Variants in TRIP12 observed in about 807,000 individuals in gnomAD.
The protein encoded by TRIP12 is E3 ubiquitin-protein ligase TRIP12.
Under a neutral mutation model 244.2 loss-of-function variants are expected in TRIP12, and 25 were observed. That is an observed-to-expected ratio of 0.10 (90% CI 0.07 to 0.14). The LOEUF (loss-of-function observed/expected upper bound fraction) is 0.14, where lower values mean the gene tolerates loss of function less well. TRIP12 is among the 10% of genes least tolerant of loss of function. The probability of loss-of-function intolerance (pLI) is 1.00; values close to 1 mark genes in which losing one functional copy is unlikely to be tolerated. For synonymous variants in TRIP12, 905 were observed against 873.1 expected (o/e 1.04, Z -0.64); for missense variants, 1,677 against 2,486.4 (o/e 0.67, Z 6.92).
At chr2:229,918,491 T>C (rs2075917404) in intron 1 of TRIP12, among the ~76,000 whole-genome samples, 1 of 152,214 alleles carries the variant, frequency 6.6e-6, no homozygotes, top group African/African-American at 2.4e-5. Context: ...CTAATTGTAA[T>C]CTCTTACATT....
In TRIP12 at chr2:229,837,001, T is replaced by G. The variant is rs779260787; in HGVS notation, c.1134-17A>C. 50 of 1,523,054 alleles carry G rather than the reference T, an allele frequency of 3.3e-5. No homozygotes were observed. Among genetic ancestry groups the G allele is most frequent in the Non-Finnish European group, 4.1e-5 (47 of 1,140,054 alleles). 94.3% of individuals were successfully genotyped at this position (1,523,054 alleles called of 1,614,324 possible). A position where few individuals can be genotyped will look rare whatever the true frequency, so the allele number is the denominator to read the frequency against. ...CCTCGCCGACTACAACAGAAAAATG[T>G]CATCATGGGCAGCATTACCAGTGAA... On this transcript the variant is annotated splice_polypyrimidine_tract_variant and intron_variant, in intron 5 of 41. Coordinates refer to ENST00000675903, the MANE Select transcript of TRIP12 (RefSeq NM_001348323.3).
chr2:229,852,705 T>C (rs1047027241), intron 4 of TRIP12, among the ~76,000 whole-genome samples: 13 of 152,188 alleles, frequency 8.5e-5, no homozygotes, highest in African/African-American at 3.1e-4. Flanking sequence ...CAAGCAGCAA[T>C]GCTTCAGGAA....
At chr2:229,797,412 G>C (rs1002194937) in intron 24 of TRIP12, among the ~76,000 whole-genome samples, 1 of 152,164 alleles carries the variant, frequency 6.6e-6, no homozygotes, top group Admixed American at 6.5e-5. Context: ...AGATGTGCTT[G>C]TGAGGACATT....
At chr2:229,806,805 T>C (rs1169790249) in intron 17 of TRIP12, among the ~76,000 whole-genome samples, 1 of 152,242 alleles carries the variant, frequency 6.6e-6, no homozygotes, top group Non-Finnish European at 1.5e-5. Context: ...AATTCATTTT[T>C]AGAAACGAAC....
Position 229,785,798 on chromosome 2 carries a change from C to T in TRIP12, c.5053G>A (p.Gly1685Ser), listed in dbSNP as rs1445260313. ...ATTTCTAACATGGCCCGTGAGCTGC[C>T]GAGGTCCTGCATCACAGACTCCGCC... ...KQAESVMQDLGSSRAMLEIQY... is the reference protein window; with the variant it reads ...KQAESVMQDLSSSRAMLEIQY... Residue 1685 changes from glycine (G) to serine (S), a missense_variant, in exon 34 of 42, where the codon GGC (glycine) becomes AGC (serine). Transcript: ENST00000675903. The T allele has an allele frequency of 6.8e-6, 11 of 1,613,748 alleles. No homozygotes were observed. Among genetic ancestry groups the T allele is most frequent in the Non-Finnish European group, 9.3e-6 (11 of 1,179,842 alleles).
rs565626842 is a variant in TRIP12, at chr2:229,787,386, T to C, written c.4995+119A>G. The C allele has an allele frequency of 2.1e-4, 215 of 1,008,448 alleles. 2 individuals carry two copies. In the South Asian group the frequency reaches 4.1e-3, roughly 19 times the overall value. 62.5% of individuals were successfully genotyped at this position (1,008,448 alleles called of 1,614,324 possible). A position where few individuals can be genotyped will look rare whatever the true frequency, so the allele number is the denominator to read the frequency against. ...CAAGAGACTGAAAGGAAAATAGGGC[T>C]AGCTGAATATGACCAAGGCCTCCAA... On this transcript the variant is annotated intron_variant, in intron 33 of 41. Coordinates refer to ENST00000675903, the MANE Select transcript of TRIP12 (RefSeq NM_001348323.3).
rs1017832843 is a variant in TRIP12 at position 229,765,466 on chromosome 2, A to G, written c.*2088T>C. 22 of 152,244 alleles carry G rather than the reference A, an allele frequency of 1.4e-4. No homozygotes were observed. Among genetic ancestry groups the G allele is most frequent in the Admixed American group, 1.4e-3 (22 of 15,286 alleles). The allele number at this position is 152,244 out of a possible 1,614,324, so 9.4% of individuals were successfully genotyped here. A position where few individuals can be genotyped will look rare whatever the true frequency, so the allele number is the denominator to read the frequency against. On this transcript the variant is annotated 3_prime_UTR_variant, in exon 42 of 42. Transcript: ENST00000675903. Reference sequence around the variant, plus strand: ...AATAAGCTAAAGGCTGAGGCTTTTAAACAGGTAACGACTGACTTTGAAACA... The same window carrying G: ...AATAAGCTAAAGGCTGAGGCTTTTAGACAGGTAACGACTGACTTTGAAACA...
chr2:229,881,512 T>C (rs2064873924), intron 1 of TRIP12, among the ~76,000 whole-genome samples: 1 of 152,234 alleles, frequency 6.6e-6, no homozygotes, highest in African/African-American at 2.4e-5. Context: ...AGATTCCTTA[T>C]ACTGTAATAA....
At position 229,870,609 on chromosome 2, in the gene TRIP12, C is replaced by T. The variant is rs527760112; in HGVS notation, c.98+9373G>A. On this transcript the variant is annotated intron_variant, in intron 2 of 41. Transcript: ENST00000675903. ...TTTCAGTAAGATAAGGTCTAGAATA[C>T]AGAAGGCAAGCATTTTAAAAGGAAA... Among the ~76,000 whole-genome samples the T allele has an allele frequency of 2.0e-5, 3 of 152,194 alleles. No homozygotes were observed. In the South Asian group the frequency reaches 6.2e-4, roughly 32 times the overall value.
chr2:229,809,314 T>G (rs2046673249), intron 15 of TRIP12, among the ~76,000 whole-genome samples: 1 of 152,130 alleles, frequency 6.6e-6, no homozygotes, highest in South Asian at 2.1e-4. Flanking sequence ...TTATTTTTTT[T>G]AGAAGTCAAG....
chr2:229,896,339 T>C (rs1480916564), intron 1 of TRIP12, among the ~76,000 whole-genome samples: 2 of 152,086 alleles, frequency 1.3e-5, no homozygotes, highest in Non-Finnish European at 2.9e-5. Flanking sequence ...CATCTCTCTA[T>C]TAAAAATAAT....
At chr2:229,884,236 C>CTTTTTTTT (rs200052292) in intron 1 of TRIP12, among the ~76,000 whole-genome samples, 2 of 123,604 alleles carry the variant, frequency 1.6e-5, no homozygotes, top group African/African-American at 3.1e-5. Context: ...TTTTTCTTTT[C>CTTTTTTTT]TTTTTTTTTT....
At chr2:229,850,824 C>A (rs1559850669) in intron 4 of TRIP12, among the ~76,000 whole-genome samples, 1 of 152,374 alleles carries the variant, frequency 6.6e-6, no homozygotes, top group East Asian at 1.9e-4. Flanking sequence ...AGCAGCCGGC[C>A]CTGCCGGCCC....
At chr2:229,824,198 A>G (rs1410164858) in intron 8 of TRIP12, among the ~76,000 whole-genome samples, 2 of 152,204 alleles carry the variant, frequency 1.3e-5, no homozygotes, top group Non-Finnish European at 2.9e-5. Context: ...TAATAAACCA[A>G]TGAATTTGCA....
Position 229,828,628 on chromosome 2 carries a change from G to A in TRIP12, c.1450+565C>T, listed in dbSNP as rs192818225. 4.4e-3 allele frequency among the ~76,000 whole-genome samples: 663 copies of A among 151,962 alleles called. 4 individuals are homozygous for A. Among genetic ancestry groups the A allele is most frequent in the African/African-American group, 0.015 (625 of 41,432 alleles). On this transcript the variant is annotated intron_variant, in intron 8 of 41. Transcript: ENST00000675903. ...TCTACTAAAAATACAAAAATTAGCC[G>A]GGCTTGATGGCACACACCTGTAATC... is the stretch of plus-strand genomic sequence containing the variant.
chr2:229,823,354 C>A (rs965282291), intron 8 of TRIP12, among the ~76,000 whole-genome samples: 2 of 151,884 alleles, frequency 1.3e-5, no homozygotes, highest in African/African-American at 4.8e-5. Flanking sequence ...TTGCAGTAGC[C>A]CGATCTCGGC....
chr2:229,768,668 C>T lies in TRIP12; in HGVS notation c.5955G>A (p.Gln1985=), dbSNP rs374945818. 67 of 1,612,140 alleles carry T rather than the reference C, an allele frequency of 4.2e-5. No homozygotes were observed. The highest frequency in any genetic ancestry group is 5.4e-5 in the African/African-American group (4 of 74,762). ...TCACAAACTGGAGAAATAACCTCTG[C>T]TGCTCATTATCAAAACTACTGAGAA... ...FEILSSFDNE[Q]QRLFLQFVTG... Residue 1985 remains glutamine (Q), a synonymous_variant, in exon 41 of 42, where the codon CAG becomes CAA. Coordinates refer to ENST00000675903, the MANE Select transcript of TRIP12 (RefSeq NM_001348323.3).
intron 2 of TRIP12, among the ~76,000 whole-genome samples, chr2:229,863,034 C>T (rs1303690672): frequency 6.6e-6 from 1 of 151,998 alleles, no homozygotes; most frequent in East Asian, 1.9e-4. Flanking sequence ...TCAAGACCAG[C>T]CTGGCCAAGA....
At chr2:229,792,255 T>A (rs2041719082) in intron 27 of TRIP12, 29 bp from the exon 28 acceptor site, 4 of 1,601,658 alleles carry the variant, frequency 2.5e-6, no homozygotes, top group Non-Finnish European at 2.6e-6. Context: ...TTTTAAACTC[T>A]TAGCGATTTT....
Sources: allele counts gnomAD v4.1 joint callset (sites outside exome capture counted in the v4.1 genomes callset), GRCh38; gene constraint gnomAD v4.1.1; transcripts MANE v1.5; gene names NCBI Gene and HGNC (gene_info 2026-07-23, HGNC 2026-07-21).